RNLS: variants seen among roughly 807,000 people sequenced by gnomAD.
RNLS encodes the protein renalase.
Under a neutral mutation model 39.8 loss-of-function variants are expected in RNLS, and 39 were observed. That is an observed-to-expected ratio of 0.98 (90% CI 0.76 to 1.28). RNLS has a LOEUF of 1.28. RNLS is among the 50% of genes most tolerant of loss of function. The pLI, the probability that RNLS is intolerant of heterozygous loss-of-function variation, is 0.00. For synonymous variants in RNLS, 147 were observed against 150.7 expected, an observed-to-expected ratio of 0.98 and a Z score of 0.18; for missense variants, 410 against 413.3, an observed-to-expected ratio of 0.99 and a Z score of 0.07.
intron 4 of RNLS, among the ~76,000 whole-genome samples, chr10:88,479,171 A>G (rs534480330): frequency 6.6e-6 from 1 of 152,332 alleles, no homozygotes; most frequent in South Asian, 2.1e-4. Context: ...AAAACATATT[A>G]AGCATATAAC....
intron 5 of RNLS, among the ~76,000 whole-genome samples, chr10:88,358,994 T>A (rs1275952722): frequency 6.6e-6 from 1 of 152,060 alleles, no homozygotes; most frequent in Non-Finnish European, 1.5e-5. Flanking sequence ...AAAGCAAGGG[T>A]GTGGGGTAGT....
At chr10:88,520,390 A>G (rs773303084) in intron 4 of RNLS, among the ~76,000 whole-genome samples, 2 of 152,004 alleles carry the variant, frequency 1.3e-5, no homozygotes, top group Non-Finnish European at 2.9e-5. Context: ...CAGAAATGCT[A>G]TCTAGTCTCT....
chr10:88,530,804 T>C (rs1750125599), intron 4 of RNLS, among the ~76,000 whole-genome samples: 1 of 152,190 alleles, frequency 6.6e-6, no homozygotes, highest in African/African-American at 2.4e-5. Flanking sequence ...AATATGGCTT[T>C]GATTCTGGCT....
chr10:88,442,634 T>C (rs1841782515), intron 4 of RNLS, among the ~76,000 whole-genome samples: 1 of 152,086 alleles, frequency 6.6e-6, no homozygotes. Flanking sequence ...TTGTGCCCTA[T>C]CTCCTTGGCT....
At chr10:88,294,467 C>A (rs752486155) in intron 6 of RNLS, among the ~76,000 whole-genome samples, 3 of 151,854 alleles carry the variant, frequency 2.0e-5, no homozygotes, top group Admixed American at 6.6e-5. Flanking sequence ...TAAATTTATA[C>A]ACAAAATATT....
At chr10:88,300,446 T>G (rs1356509285) in intron 6 of RNLS, among the ~76,000 whole-genome samples, 1 of 152,194 alleles carries the variant, frequency 6.6e-6, no homozygotes, top group African/African-American at 2.4e-5. Context: ...CCTCTTTTGC[T>G]TCTGAAAAAG....
At chr10:88,468,504 CA>C (rs767673492) in intron 4 of RNLS, among the ~76,000 whole-genome samples, 19 of 152,154 alleles carry the variant, frequency 1.2e-4, no homozygotes, top group Non-Finnish European at 1.0e-4. Context: ...TAGACTAATA[CA>C]ACTACAAATA....
chr10:88,463,985 C>A (rs1047464535), intron 4 of RNLS, among the ~76,000 whole-genome samples: 2 of 151,942 alleles, frequency 1.3e-5, no homozygotes, highest in Non-Finnish European at 1.5e-5. Flanking sequence ...ACAAACAAAC[C>A]TTGAGTATGT....
At chr10:88,456,011 G>A (rs1245491569) in intron 4 of RNLS, among the ~76,000 whole-genome samples, 2 of 152,222 alleles carry the variant, frequency 1.3e-5, no homozygotes, top group Non-Finnish European at 2.9e-5. Flanking sequence ...AGCTGGATGA[G>A]ATGTCAGCAA....
chr10:88,338,615 C>T (rs1011069520), intron 5 of RNLS, among the ~76,000 whole-genome samples: 2 of 152,208 alleles, frequency 1.3e-5, no homozygotes, highest in African/African-American at 4.8e-5. Flanking sequence ...CTCTTGCTCA[C>T]ATGTAGTTTG....
intron 4 of RNLS, among the ~76,000 whole-genome samples, chr10:88,519,125 G>A (rs940502307): frequency 6.6e-6 from 1 of 151,960 alleles, no homozygotes; most frequent in Admixed American, 6.6e-5. Flanking sequence ...ATCCTCCCAG[G>A]CATTTCTGTA....
intron 4 of RNLS, among the ~76,000 whole-genome samples, chr10:88,545,632 A>G (rs1848265443): frequency 6.6e-6 from 1 of 152,294 alleles, no homozygotes; most frequent in South Asian, 2.1e-4. Context: ...ATTCAATTGG[A>G]GAACTGGGTG....
intron 6 of RNLS, 106 bp downstream of exon 6, chr10:88,314,360 T>C (rs1185528197): frequency 2.8e-5 from 33 of 1,165,164 alleles, no homozygotes; most frequent in Admixed American, 1.4e-4. Context: ...AAGGATCACA[T>C]AGTTAATTTA....
chr10:88,408,501 C>A (rs1413292004), intron 4 of RNLS, among the ~76,000 whole-genome samples: 2 of 151,944 alleles, frequency 1.3e-5, no homozygotes, highest in Non-Finnish European at 2.9e-5. Context: ...TGAGGACACC[C>A]CAAGAGAGAA....
chr10:88,383,384 G>T (rs1252594464), intron 4 of RNLS, among the ~76,000 whole-genome samples: 1 of 152,122 alleles, frequency 6.6e-6, no homozygotes, highest in Non-Finnish European at 1.5e-5. Context: ...AGGCAAAACA[G>T]CACTTACAAG....
chr10:88,286,869 T>G (rs375376700), intron 6 of RNLS, among the ~76,000 whole-genome samples: 3 of 151,776 alleles, frequency 2.0e-5, no homozygotes, highest in South Asian at 2.1e-4. Context: ...CATAGCTCAC[T>G]GCACTCTTGA....
At chr10:88,364,758 A>G (rs984569332) in intron 4 of RNLS, among the ~76,000 whole-genome samples, 23 of 152,144 alleles carry the variant, frequency 1.5e-4, no homozygotes, top group Admixed American at 1.3e-4. Context: ...TGGCCTCATT[A>G]CACTCAATGA....
the RNLS span, among the ~76,000 whole-genome samples, chr10:88,191,447 T>C: frequency 6.6e-6 from 1 of 152,308 alleles, no homozygotes; most frequent in East Asian, 1.9e-4. Flanking sequence ...TGGTGTATGA[T>C]GTGATGTTTA....
intron 4 of RNLS, among the ~76,000 whole-genome samples, chr10:88,560,456 C>A (rs183584226): frequency 6.6e-6 from 1 of 152,238 alleles, no homozygotes. Context: ...CTACCCTGAG[C>A]CCCACAGCCC....
Sources: allele counts gnomAD v4.1 joint callset (sites outside exome capture counted in the v4.1 genomes callset), GRCh38; gene constraint gnomAD v4.1.1; transcripts MANE v1.5; gene names NCBI Gene and HGNC (gene_info 2026-07-23, HGNC 2026-07-21).